The following SLC4A7 variants were observed in gnomAD, a reference collection of about 807,000 sequenced individuals.
SLC4A7 encodes sodium bicarbonate cotransporter 3.
Under a neutral mutation model 137.6 loss-of-function variants are expected in SLC4A7, and 51 were observed. That is an observed-to-expected ratio of 0.37 (90% confidence interval 0.30 to 0.47). The LOEUF is 0.47. SLC4A7 is among the 20% of genes least tolerant of loss of function. The pLI is 1.00. For synonymous variants in SLC4A7, 542 were observed against 518.6 expected (o/e 1.05, Z -0.61); for missense variants, 1,247 against 1,525.4 (o/e 0.82, Z 3.04).
intron 2 of SLC4A7, among the ~76,000 whole-genome samples, chr3:27,450,978 A>G (rs887216176): frequency 6.6e-6 from 1 of 152,088 alleles, no homozygotes; most frequent in African/African-American, 2.4e-5. Context: ...GACATTAAAC[A>G]TTAAATGTAT....
intron 1 of SLC4A7, among the ~76,000 whole-genome samples, chr3:27,459,710 G>A (rs2058589625): frequency 6.6e-6 from 1 of 152,008 alleles, no homozygotes; most frequent in East Asian, 1.9e-4. Context: ...TCTGTAAACA[G>A]TAGGAAAATC....
In SLC4A7 at chr3:27,391,175, GGTT is replaced by G. The variant is rs1204311999; in HGVS notation, c.3186+562_3186+564del. Among the ~76,000 whole-genome samples, 3 of 152,202 alleles carry G rather than the reference GGTT, an allele frequency of 2.0e-5. No homozygotes were observed. The East Asian group carries it at 5.8e-4, about 29-fold the overall frequency. Reference sequence around the variant, plus strand: ...GTACAAATCTTAAGAAGTTTTATTAGGTTGTTTCCCAGTAACTATTAAAACAAA... The same window carrying G: ...GTACAAATCTTAAGAAGTTTTATTAGGTTTCCCAGTAACTATTAAAACAAA... On this transcript the variant is annotated intron_variant, in intron 21 of 25. Coordinates refer to ENST00000454389, the MANE Select transcript of SLC4A7 (RefSeq NM_001321103.2).
At chr3:27,468,966 G>C in intron 1 of SLC4A7, among the ~76,000 whole-genome samples, 1 of 152,018 alleles carries the variant, frequency 6.6e-6, no homozygotes, top group East Asian at 1.9e-4. Context: ...TATTAGCCAG[G>C]CTTCGTGGCA....
In SLC4A7 at chr3:27,393,000, G is replaced by A. The variant is rs188389425; in HGVS notation, c.3118-1192C>T. 2.4e-4 allele frequency among the ~76,000 whole-genome samples: 37 copies of A among 152,116 alleles called. No homozygotes were observed. The East Asian group carries it at 4.2e-3, about 17-fold the overall frequency. On this transcript the variant is annotated intron_variant, in intron 20 of 25. Coordinates refer to ENST00000454389, the MANE Select transcript of SLC4A7 (RefSeq NM_001321103.2). ...GAAAATTTTCTTTAATAGCAAGGGGGAGGAGGGATAAGAATATTAGAACAA... is the reference window on the plus strand; with the variant it reads ...GAAAATTTTCTTTAATAGCAAGGGGAAGGAGGGATAAGAATATTAGAACAA...
At chr3:27,443,220 T>C (rs1256409716) in intron 3 of SLC4A7, among the ~76,000 whole-genome samples, 5 of 151,484 alleles carry the variant, frequency 3.3e-5, no homozygotes, top group African/African-American at 1.2e-4. Context: ...AGTAGAGACG[T>C]GGTTTCACCA....
chr3:27,406,975 A>G (rs1477235744), intron 13 of SLC4A7, among the ~76,000 whole-genome samples: 7 of 152,152 alleles, frequency 4.6e-5, no homozygotes, highest in Non-Finnish European at 8.8e-5. Context: ...GTATACATAC[A>G]GAGAAAAAAA....
intron 1 of SLC4A7, among the ~76,000 whole-genome samples, chr3:27,466,430 C>T (rs1025299350): frequency 1.4e-5 from 2 of 143,400 alleles, no homozygotes; most frequent in African/African-American, 5.3e-5. Flanking sequence ...CCAACCTGGG[C>T]GACAGCGAGA....
At chr3:27,380,047 G>A (rs542405187) in intron 24 of SLC4A7, among the ~76,000 whole-genome samples, 47 of 152,262 alleles carry the variant, frequency 3.1e-4, no homozygotes, top group African/African-American at 1.1e-3. Flanking sequence ...GGTGGCTCAC[G>A]CCTATAATCC....
At chr3:27,420,820 A>G (rs758779009) in intron 9 of SLC4A7, 33 bp from the exon 10 acceptor site, 1 of 1,413,828 alleles carries the variant, frequency 7.1e-7, no homozygotes, top group Admixed American at 1.7e-5. Context: ...ATTTTAAAAT[A>G]AACATCATAC....
At chr3:27,435,645 G>C (rs1055907659) in intron 5 of SLC4A7, among the ~76,000 whole-genome samples, 3 of 152,184 alleles carry the variant, frequency 2.0e-5, no homozygotes, top group Non-Finnish European at 4.4e-5. Flanking sequence ...TTCAAGAACA[G>C]CATGGGCTAC....
At chr3:27,400,682 G>A in intron 16 of SLC4A7, 82 bp downstream of exon 16, 1 of 787,722 alleles carries the variant, frequency 1.3e-6, no homozygotes, top group South Asian at 1.8e-5. Context: ...TCAATCAAGA[G>A]AAAATGGATG....
intron 15 of SLC4A7, among the ~76,000 whole-genome samples, chr3:27,401,872 A>T (rs1356929250): frequency 6.6e-6 from 1 of 152,218 alleles, no homozygotes; most frequent in Non-Finnish European, 1.5e-5. Context: ...AGAAAGATTT[A>T]AAAAATGTGT....
chr3:27,437,013 T>G (rs1301066462), intron 4 of SLC4A7, among the ~76,000 whole-genome samples: 1 of 152,226 alleles, frequency 6.6e-6, no homozygotes, highest in Non-Finnish European at 1.5e-5. Flanking sequence ...TACTTTCAAC[T>G]TAATATTCCC....
rs1342129888 is a variant in SLC4A7, at chr3:27,390,060, C to T, written c.3231G>A (p.Gln1077=). The T allele has an allele frequency of 2.5e-6, 4 of 1,610,870 alleles. No homozygotes were observed. Among genetic ancestry groups the T allele is most frequent in the Non-Finnish European group, 3.4e-6 (4 of 1,177,640 alleles). ...CATAACGGAGGTATATCAAATCAGG[C>T]TGATGCTTAGCAGGCATTCCAAATA... ...IKLFGMPAKH[Q]PDLIYLRYVP... The change falls in exon 22 of 26, where the codon CAG becomes CAA. Residue 1077 remains glutamine (Q), a synonymous_variant. Transcript: ENST00000454389.
chr3:27,397,879 ATT>A (rs2052356588), intron 17 of SLC4A7, 82 bp from the exon 18 acceptor site: 5 of 799,778 alleles, frequency 6.3e-6, no homozygotes, highest in Admixed American at 2.8e-5. Context: ...TATTGATAAA[ATT>A]GTCACTACAA....
rs115581702 is a variant in SLC4A7 at position 27,383,556 on chromosome 3, G to C, written c.3493-306C>G. Among the ~76,000 whole-genome samples, 991 of 152,246 alleles carry C rather than the reference G, an allele frequency of 6.5e-3. 15 individuals are homozygous for C. The highest frequency in any genetic ancestry group is 0.023 in the African/African-American group (943 of 41,536). On this transcript the variant is annotated intron_variant, in intron 23 of 25. Transcript: ENST00000454389. ...CAATTATTATGTAGGTTTATAATGA[G>C]AGATAACATTCTGTGAAACCTTATC...
chr3:27,421,968 C>T (rs1401692585), intron 8 of SLC4A7, among the ~76,000 whole-genome samples, 189 bp from the exon 9 acceptor site: 1 of 152,076 alleles, frequency 6.6e-6, no homozygotes, highest in Non-Finnish European at 1.5e-5. Context: ...AGCAAGCAAA[C>T]TTATTTGAAT....
Position 27,397,399 on chromosome 3 carries a change from CT to C in SLC4A7, c.2703+284del, listed in dbSNP as rs5847461. On this transcript the variant is annotated intron_variant, in intron 18 of 25. Coordinates refer to ENST00000454389, the MANE Select transcript of SLC4A7 (RefSeq NM_001321103.2). ...AGAACTCCAGGTAGGAGAGCAAAGA[CT>C]TTTTTTTTTTTTTAATGGCTCCCTA... 5.2e-3 allele frequency among the ~76,000 whole-genome samples: 740 copies of C among 142,186 alleles called. 4 individuals carry two copies. Among genetic ancestry groups the C allele is most frequent in the East Asian group, 0.017 (84 of 4,866 alleles). The allele number at this position is 142,186 out of a possible 152,430, so 93.3% of individuals were successfully genotyped here. A position where few individuals can be genotyped will look rare whatever the true frequency, so the allele number is the denominator to read the frequency against.
intron 1 of SLC4A7, chr3:27,462,714 T>C (rs796567041): frequency 2.6e-5 from 1 of 39,188 alleles, no homozygotes; most frequent in South Asian, 3.0e-4. Flanking sequence ...GTTGAGAATC[T>C]AAAAGCAACT....
Sources: allele counts gnomAD v4.1 joint callset (sites outside exome capture counted in the v4.1 genomes callset), GRCh38; gene constraint gnomAD v4.1.1; transcripts MANE v1.5; gene names NCBI Gene and HGNC (gene_info 2026-07-23, HGNC 2026-07-21).